DGKB: variants seen among roughly 807,000 people sequenced by gnomAD.
DGKB encodes diacylglycerol kinase beta, also known as 90 kDa diacylglycerol kinase.
In DGKB, 67 loss-of-function variants were observed where a neutral mutation model predicts 114.3. The ratio of observed to expected loss-of-function variants is 0.59; its 90% CI spans 0.48 to 0.72. The LOEUF (loss-of-function observed/expected upper bound fraction) is 0.72, where lower values mean the gene tolerates loss of function less well. Ranked by LOEUF, DGKB falls within the 30% of genes least tolerant of loss-of-function variation. The pLI is 0.00. For synonymous variants in DGKB, 398 were observed against 323.1 expected (o/e 1.23, Z -2.49); for missense variants, 907 against 975.2 (o/e 0.93, Z 0.93).
chr7:14,542,898 C>T (rs962080746), intron 20 of DGKB, among the ~76,000 whole-genome samples: 7 of 152,150 alleles, frequency 4.6e-5, no homozygotes, highest in Admixed American at 4.6e-4. Flanking sequence ...GGGAGTGTTG[C>T]TTCAGCTGAC....
intron 1 of DGKB, among the ~76,000 whole-genome samples, chr7:14,936,240 ATAGAC>A (rs1028002447): frequency 2.0e-5 from 3 of 152,204 alleles, no homozygotes; most frequent in African/African-American, 7.2e-5. Context: ...CTTTGTAAAA[ATAGAC>A]TAAATTGGAT....
At chr7:14,874,860 A>G (rs1404314211) in intron 1 of DGKB, among the ~76,000 whole-genome samples, 1 of 152,174 alleles carries the variant, frequency 6.6e-6, no homozygotes, top group Non-Finnish European at 1.5e-5. Flanking sequence ...GCATGTAAAT[A>G]TTCAAGTTGG....
chr7:14,723,137 C>G (rs544177930), intron 5 of DGKB, among the ~76,000 whole-genome samples: 89 of 151,990 alleles, frequency 5.9e-4, no homozygotes, highest in African/African-American at 2.0e-3. Context: ...GAAGTTTGCA[C>G]TAATCTAATG....
chr7:14,884,662 C>T (rs1854748473), intron 1 of DGKB, among the ~76,000 whole-genome samples: 1 of 151,896 alleles, frequency 6.6e-6, no homozygotes, highest in Non-Finnish European at 1.5e-5. Flanking sequence ...AAACCCTCAT[C>T]TCAGGCTCTG....
rs377071197 is a variant in DGKB, at chr7:14,495,568, C to T, written c.1771-17343G>A. ...ATGATAATTCAAACAAATGTTATGA[C>T]ATTTAAGATAATGAAACCCTTCATT... On this transcript the variant is annotated intron_variant, in intron 20 of 25. Transcript: ENST00000402815. Among the ~76,000 whole-genome samples, 7 of 151,878 alleles carry T rather than the reference C, an allele frequency of 4.6e-5. No homozygotes were observed. The South Asian group carries it at 1.2e-3, about 27-fold the overall frequency.
intron 1 of DGKB, among the ~76,000 whole-genome samples, chr7:14,911,109 C>G (rs1242980735): frequency 6.6e-6 from 1 of 151,860 alleles, no homozygotes; most frequent in Non-Finnish European, 1.5e-5. Context: ...ACAATGTATA[C>G]ATGTAGTAAA....
intron 14 of DGKB, among the ~76,000 whole-genome samples, chr7:14,629,067 A>C: frequency 6.6e-6 from 1 of 152,046 alleles, no homozygotes; most frequent in East Asian, 1.9e-4. Flanking sequence ...TTAGATCTCA[A>C]ATGCAATGCC....
intron 2 of DGKB, among the ~76,000 whole-genome samples, chr7:14,798,324 C>T (rs1435084644): frequency 1.3e-5 from 2 of 152,128 alleles, no homozygotes; most frequent in Admixed American, 1.3e-4. Context: ...ATAAGACTAC[C>T]TTTGTTAGTC....
chr7:14,505,684 G>A (rs1222540872), intron 20 of DGKB, among the ~76,000 whole-genome samples: 1 of 152,036 alleles, frequency 6.6e-6, no homozygotes, highest in Non-Finnish European at 1.5e-5. Context: ...GGCTCTTTGT[G>A]AACTAGAAAA....
intron 2 of DGKB, among the ~76,000 whole-genome samples, chr7:14,800,363 G>A (rs898378269): frequency 3.9e-5 from 6 of 152,218 alleles, no homozygotes; most frequent in Non-Finnish European, 7.3e-5. Context: ...ATTAACATTT[G>A]AGTCAGTGTG....
chr7:14,382,657 C>T (rs1200518452), intron 21 of DGKB, among the ~76,000 whole-genome samples: 1 of 152,034 alleles, frequency 6.6e-6, no homozygotes, highest in Non-Finnish European at 1.5e-5. Flanking sequence ...TTGGAGAACC[C>T]AATAGGTAAC....
chr7:14,559,931 C>T (rs1796407678), intron 20 of DGKB, among the ~76,000 whole-genome samples: 1 of 150,420 alleles, frequency 6.6e-6, no homozygotes, highest in African/African-American at 2.4e-5. Flanking sequence ...CTTCCTTCCT[C>T]CCTTCCTCTC....
At chr7:14,498,454 A>G (rs1036552403) in intron 20 of DGKB, among the ~76,000 whole-genome samples, 5 of 151,846 alleles carry the variant, frequency 3.3e-5, no homozygotes, top group African/African-American at 1.2e-4. Context: ...TGATCTGTAG[A>G]AAGTCAAGAC....
At chr7:14,689,010 T>C (rs1298798508) in intron 9 of DGKB, among the ~76,000 whole-genome samples, 3 of 152,070 alleles carry the variant, frequency 2.0e-5, no homozygotes, top group Non-Finnish European at 4.4e-5. Context: ...ATTGATGTCC[T>C]AACCCACATG....
intron 5 of DGKB, among the ~76,000 whole-genome samples, chr7:14,719,575 A>T: frequency 6.6e-6 from 1 of 151,960 alleles, no homozygotes; most frequent in Admixed American, 6.6e-5. Context: ...TAGATTCCTA[A>T]TCAACCAGGA....
chr7:14,278,943 G>C (rs56216249), intron 23 of DGKB, among the ~76,000 whole-genome samples: 1 of 152,010 alleles, frequency 6.6e-6, no homozygotes, highest in Admixed American at 6.5e-5. Context: ...AGAAGACGGG[G>C]GATTTCTGCA....
intron 1 of DGKB, among the ~76,000 whole-genome samples, chr7:14,852,728 G>T (rs998982601): frequency 8.5e-5 from 13 of 152,108 alleles, no homozygotes; most frequent in Admixed American, 3.9e-4. Context: ...GAAGAATGCA[G>T]TTGAATGGCT....
At chr7:14,398,576 T>C (rs1211030925) in intron 21 of DGKB, among the ~76,000 whole-genome samples, 2 of 152,014 alleles carry the variant, frequency 1.3e-5, no homozygotes, top group Admixed American at 6.6e-5. Context: ...ACTCTGTTTT[T>C]ATTATCATTT....
chr7:14,241,793 A>T (rs1793683368), intron 23 of DGKB, among the ~76,000 whole-genome samples: 1 of 152,114 alleles, frequency 6.6e-6, no homozygotes, highest in South Asian at 2.1e-4. Context: ...ATTAAGAAAA[A>T]CAGTTTTACT....
Sources: allele counts gnomAD v4.1 joint callset (sites outside exome capture counted in the v4.1 genomes callset), GRCh38; gene constraint gnomAD v4.1.1; transcripts MANE v1.5; gene names NCBI Gene and HGNC (gene_info 2026-07-23, HGNC 2026-07-21).